Variants in GASK1A observed in about 807,000 individuals in gnomAD.
GASK1A encodes Golgi-associated kinase 1A.
A neutral mutation model predicts 41.2 loss-of-function variants in GASK1A; 40 were observed. That is an observed-to-expected ratio of 0.97 (90% CI 0.75 to 1.27). The LOEUF is 1.27. Among genes scored for constraint, GASK1A ranks in the 50% most tolerant of loss-of-function variants. GASK1A has a pLI of 0.00. For missense variants in GASK1A, 678 were observed against 745.1 expected, an observed-to-expected ratio of 0.91 and a Z score of 1.05; for synonymous variants, 316 against 307.1, an observed-to-expected ratio of 1.03 and a Z score of -0.30.
intron 1 of GASK1A, among the ~76,000 whole-genome samples, chr3:42,994,627 C>T (rs1404549298): frequency 6.6e-6 from 1 of 152,092 alleles, no homozygotes. Flanking sequence ...GCCATGGACA[C>T]AGAGACCTGT....
intron 1 of GASK1A, among the ~76,000 whole-genome samples, chr3:42,991,463 A>G (rs1875129): frequency 0.016 from 2,397 of 152,328 alleles, 28 homozygotes; most frequent in East Asian, 0.058. Flanking sequence ...TGTCACAATG[A>G]AATACACACC....
At chr3:43,052,063 C>T (rs2089693835) in intron 2 of GASK1A, among the ~76,000 whole-genome samples, 1 of 152,168 alleles carries the variant, frequency 6.6e-6, no homozygotes, top group Middle Eastern at 3.2e-3. Context: ...CCCAGAGATC[C>T]TCAAGGCCTC....
At chr3:43,041,184 T>C (rs1235647585) in intron 2 of GASK1A, among the ~76,000 whole-genome samples, 2 of 150,320 alleles carry the variant, frequency 1.3e-5, no homozygotes, top group Admixed American at 6.6e-5. Context: ...GCAATAAACA[T>C]ACATGTGCAC....
intron 1 of GASK1A, among the ~76,000 whole-genome samples, chr3:43,011,380 CAAAA>C (rs55954875): frequency 0.25 from 21,831 of 86,842 alleles, 1,638 homozygotes; most frequent in Non-Finnish European, 0.3. Context: ...GACTCCATCT[CAAAA>C]AAAAAAAAAA....
At chr3:43,042,305 CAAAAAAA>C (rs61149633) in intron 2 of GASK1A, among the ~76,000 whole-genome samples, 97,060 of 132,468 alleles carry the variant, frequency 0.73, 35,989 homozygotes, top group East Asian at 0.84. Context: ...CTTGTCCCTA[CAAAAAAA>C]AAAAAAAAAA....
intron 1 of GASK1A, among the ~76,000 whole-genome samples, chr3:43,004,383 A>G (rs6442134): frequency 0.39 from 58,853 of 151,982 alleles, 11,791 homozygotes; most frequent in Non-Finnish European, 0.45. Flanking sequence ...CAGGTTAACT[A>G]GGGGATGACT....
chr3:42,997,918 G>A (rs1012222176), intron 1 of GASK1A, among the ~76,000 whole-genome samples: 17 of 152,148 alleles, frequency 1.1e-4, no homozygotes, highest in African/African-American at 3.9e-4. Flanking sequence ...TCTGGGGCTC[G>A]GTCCTGCTGG....
intron 1 of GASK1A, among the ~76,000 whole-genome samples, chr3:43,023,900 C>T (rs1357763902): frequency 6.6e-6 from 1 of 152,106 alleles, no homozygotes; most frequent in Non-Finnish European, 1.5e-5. Context: ...TGTTAATTTC[C>T]CCTGAGCTTC....
At chr3:43,054,933 T>C (rs149572925) in intron 3 of GASK1A, among the ~76,000 whole-genome samples, 7 of 152,272 alleles carry the variant, frequency 4.6e-5, no homozygotes, top group African/African-American at 1.7e-4. Flanking sequence ...TGTGTACACA[T>C]GTGAGCAGCA....
intron 2 of GASK1A, among the ~76,000 whole-genome samples, chr3:43,045,865 C>T (rs1269790559): frequency 6.6e-6 from 1 of 152,230 alleles, no homozygotes; most frequent in East Asian, 1.9e-4. Flanking sequence ...GGTAGTTCCT[C>T]CTGCATTCAT....
rs145090972 is a variant in GASK1A, at chr3:43,008,955, G to A, written c.4-23312G>A. On this transcript the variant is annotated intron_variant, in intron 1 of 4. Coordinates refer to ENST00000430121, the MANE Select transcript of GASK1A (RefSeq NM_001129908.3). ...GCAGTAACTTAAAGGAGGTGCTGGAGTTCCCAAGTACCTTGGAGATTTAAT... is the reference window on the plus strand; with the variant it reads ...GCAGTAACTTAAAGGAGGTGCTGGAATTCCCAAGTACCTTGGAGATTTAAT... Among the ~76,000 whole-genome samples the A allele has an allele frequency of 4.5e-3, 684 of 152,310 alleles. 3 individuals carry two copies. Among genetic ancestry groups the A allele is most frequent in the Middle Eastern group, 0.02 (6 of 294 alleles).
At chr3:42,991,826 G>C (rs2089342399) in intron 1 of GASK1A, among the ~76,000 whole-genome samples, 1 of 152,188 alleles carries the variant, frequency 6.6e-6, no homozygotes, top group South Asian at 2.1e-4. Flanking sequence ...TAGAGGCTCA[G>C]TGTATGCCTC....
chr3:42,981,040 G>A (rs1473097610), intron 1 of GASK1A, among the ~76,000 whole-genome samples: 1 of 152,190 alleles, frequency 6.6e-6, no homozygotes, highest in Non-Finnish European at 1.5e-5. Flanking sequence ...AGGAGAGATG[G>A]TACCTGCCTT....
chr3:43,020,194 C>T (rs1166298777), intron 1 of GASK1A, among the ~76,000 whole-genome samples: 2 of 152,178 alleles, frequency 1.3e-5, no homozygotes, highest in African/African-American at 4.8e-5. Flanking sequence ...AAGAGTGTTC[C>T]TTTCCCTACA....
chr3:43,022,575 A>G (rs1019900936), intron 1 of GASK1A, among the ~76,000 whole-genome samples: 2 of 151,916 alleles, frequency 1.3e-5, no homozygotes, highest in Non-Finnish European at 2.9e-5. Context: ...CTTGCCAGCT[A>G]TATGGCCGTG....
At chr3:43,039,072 C>T (rs548220908) in intron 2 of GASK1A, among the ~76,000 whole-genome samples, 41 of 149,486 alleles carry the variant, frequency 2.7e-4, no homozygotes, top group Admixed American at 5.3e-4. Context: ...TTAGTCCTGC[C>T]TCTGTTTAAA....
chr3:43,032,968 G>A lies in GASK1A; in HGVS notation c.705G>A (p.Lys235=). 1 of 1,550,944 alleles carries A rather than the reference G, an allele frequency of 6.4e-7. No individual in the cohort carries two copies. Among genetic ancestry groups the A allele is most frequent in the Non-Finnish European group, 8.7e-7 (1 of 1,146,502 alleles). Reference sequence around the variant, plus strand: ...ATCAGTGGCCTGGCTCTGTTGAGAAGCTGCAAGGGTCAGTATGGTGTGATG... The same window carrying A: ...ATCAGTGGCCTGGCTCTGTTGAGAAACTGCAAGGGTCAGTATGGTGTGATG... ...GAHQWPGSVE[K]LQGSVWCDAE... The change falls in exon 2 of 5, where the codon AAG becomes AAA. Residue 235 remains lysine, a synonymous_variant. Transcript: ENST00000430121.
chr3:43,032,378 T>C lies in GASK1A; in HGVS notation c.115T>C (p.Ser39Pro). 1 of 1,551,618 alleles carries C rather than the reference T, an allele frequency of 6.4e-7. No homozygotes were observed. Among genetic ancestry groups the C allele is most frequent in the Non-Finnish European group, 8.7e-7 (1 of 1,146,932 alleles). ...CACCCGCTTTCCCCCACAGCGTCCA[T>C]CCGCCGGCCCAGACCCTGGTCCCAT... ...AVTRFPPQRP[S>P]AGPDPGPMEP... The change falls in exon 2 of 5, where the codon TCC becomes CCC. Residue 39 changes from serine (S) to proline (P), a missense_variant. Physicochemically the swap from Ser to Pro is moderately conservative, Grantham distance 74 (BLOSUM62 -1). Transcript: ENST00000430121.
Position 42,984,161 on chromosome 3 carries a change from G to A in GASK1A, c.3+4516G>A, listed in dbSNP as rs897971138. ...TGTTTCTGCCTAGGGAGTTTAGGGC[G>A]TGATCCCTCATTTTCTGGATGTGTC... On this transcript the variant is annotated intron_variant, in intron 1 of 4. Coordinates refer to ENST00000430121, the MANE Select transcript of GASK1A (RefSeq NM_001129908.3). The surrounding 1 kb of genome is among the most constrained non-coding windows in gnomAD (Gnocchi z 4.2). Among the ~76,000 whole-genome samples the A allele has an allele frequency of 2.0e-5, 3 of 151,934 alleles. No homozygotes were observed. The highest frequency in any genetic ancestry group is 3.9e-4 in the East Asian group (2 of 5,184).
Sources: gnomAD v4.1 joint callset for allele counts (sites outside exome capture counted in the v4.1 genomes callset) on GRCh38, gnomAD v4.1.1 for gene constraint, Gnocchi (gnomAD v3.1) non-coding constraint, MANE v1.5 for transcripts, NCBI Gene and HGNC (gene_info 2026-07-23, HGNC 2026-07-21) for gene names.